CA5A: variants seen among roughly 807,000 people sequenced by gnomAD.
The protein encoded by CA5A is carbonic anhydrase 5A, mitochondrial.
CA5A carries 28 observed loss-of-function variants against 37.1 expected under a neutral mutation model. The ratio of observed to expected loss-of-function variants is 0.75; its 90% CI spans 0.56 to 1.03. The LOEUF (loss-of-function observed/expected upper bound fraction) is 1.03, where lower values mean the gene tolerates loss of function less well. Among genes scored for constraint, CA5A ranks in the 50% least tolerant of loss-of-function variants. The probability of loss-of-function intolerance (pLI) is 0.00; values close to 1 mark genes in which losing one functional copy is unlikely to be tolerated. For missense variants in CA5A, 444 were observed against 399.9 expected (o/e 1.11, Z -0.94); for synonymous variants, 171 against 158.4 (o/e 1.08, Z -0.60).
chr16:87,928,024 G>C (rs142253530), intron 1 of CA5A, among the ~76,000 whole-genome samples: 1 of 151,992 alleles, frequency 6.6e-6, no homozygotes, highest in African/African-American at 2.4e-5. Flanking sequence ...CAGGATCCTC[G>C]GGATATCCTG....
chr16:87,926,392 TC>T (rs1597584804), intron 2 of CA5A, among the ~76,000 whole-genome samples: 1 of 152,138 alleles, frequency 6.6e-6, no homozygotes, highest in East Asian at 1.9e-4. Flanking sequence ...ACCGCTGCCT[TC>T]TGAGTTCCTC....
intron 5 of CA5A, among the ~76,000 whole-genome samples, chr16:87,898,715 C>A (rs1368204098): frequency 6.7e-6 from 1 of 150,128 alleles, no homozygotes; most frequent in African/African-American, 2.5e-5. Context: ...GGTGAGAATG[C>A]TGCTCTAGTG....
intron 5 of CA5A, among the ~76,000 whole-genome samples, chr16:87,900,505 C>A (rs2055863635): frequency 6.6e-6 from 1 of 152,260 alleles, no homozygotes; most frequent in Admixed American, 6.5e-5. Context: ...GAAGCCTCAT[C>A]CGTCCGCACA....
intron 6 of CA5A, among the ~76,000 whole-genome samples, chr16:87,891,304 C>A (rs566742088): frequency 3.3e-5 from 5 of 151,496 alleles, no homozygotes; most frequent in African/African-American, 1.2e-4. Context: ...TCCGTCTCTA[C>A]TAAAAATACA....
At chr16:87,930,192 TC>T (rs2056383316) in intron 1 of CA5A, among the ~76,000 whole-genome samples, 1 of 152,170 alleles carries the variant, frequency 6.6e-6, no homozygotes, top group Non-Finnish European at 1.5e-5. Context: ...GCCCGTGCAT[TC>T]CCGTGCTCCG....
intron 2 of CA5A, among the ~76,000 whole-genome samples, chr16:87,922,081 A>G (rs4462594): frequency 0.7 from 105,661 of 151,638 alleles, 37,136 homozygotes; most frequent in African/African-American, 0.76. Context: ...TTACCCTCCC[A>G]CCTTGGCCTA....
chr16:87,922,161 G>A (rs910311406), intron 2 of CA5A, among the ~76,000 whole-genome samples: 2 of 152,118 alleles, frequency 1.3e-5, no homozygotes, highest in African/African-American at 2.4e-5. Context: ...CACTCTCCAG[G>A]GGATGTTGGT....
At chr16:87,920,300 T>G (rs1166980738) in intron 2 of CA5A, among the ~76,000 whole-genome samples, 1 of 152,010 alleles carries the variant, frequency 6.6e-6, no homozygotes, top group African/African-American at 2.4e-5. Context: ...CACTGTTTTT[T>G]GTTTGTTTGT....
intron 2 of CA5A, among the ~76,000 whole-genome samples, chr16:87,912,036 T>C (rs1004335512): frequency 6.6e-6 from 1 of 152,166 alleles, no homozygotes; most frequent in South Asian, 2.1e-4. Flanking sequence ...GCACGGTGGC[T>C]CATACCTGTA....
At chr16:87,925,001 G>C (rs546152387) in intron 2 of CA5A, among the ~76,000 whole-genome samples, 1 of 152,208 alleles carries the variant, frequency 6.6e-6, no homozygotes, top group Non-Finnish European at 1.5e-5. Flanking sequence ...CTGTTCATCC[G>C]TCAATTTGCT....
chr16:87,884,520 T>C (rs574434417), downstream of CA5A: 1 of 146,504 alleles, frequency 6.8e-6, no homozygotes, highest in Non-Finnish European at 1.5e-5. Context: ...TGAACCAAGA[T>C]CGCATCAATG....
At chr16:87,896,591 C>G (rs143104597) in intron 5 of CA5A, among the ~76,000 whole-genome samples, 9 of 152,196 alleles carry the variant, frequency 5.9e-5, no homozygotes, top group African/African-American at 1.9e-4. Context: ...GAAAGCACCA[C>G]AAGCCTTTGC....
intron 5 of CA5A, among the ~76,000 whole-genome samples, chr16:87,901,578 CTTTCT>C (rs10650335): frequency 3.3e-5 from 5 of 149,428 alleles, no homozygotes; most frequent in African/African-American, 7.5e-5. Context: ...ATACTGATTT[CTTTCT>C]TTTCTTTTCT....
intron 3 of CA5A, 23 bp downstream of exon 3, chr16:87,904,763 G>C: frequency 5.0e-6 from 7 of 1,393,314 alleles, no homozygotes; most frequent in Non-Finnish European, 7.2e-6. Flanking sequence ...GCAGATATGT[G>C]CTGTTAGGCC....
At chr16:87,909,831 G>A (rs969407611) in intron 2 of CA5A, among the ~76,000 whole-genome samples, 1 of 152,188 alleles carries the variant, frequency 6.6e-6, no homozygotes, top group Non-Finnish European at 1.5e-5. Flanking sequence ...GCCGTGTTTC[G>A]TTACTCTTCC....
intron 2 of CA5A, among the ~76,000 whole-genome samples, chr16:87,920,773 C>CA (rs1278765709): frequency 1.3e-5 from 2 of 151,962 alleles, no homozygotes; most frequent in Admixed American, 6.6e-5. Context: ...TGCTTGCCAC[C>CA]ATGCCCAGCT....
intron 6 of CA5A, among the ~76,000 whole-genome samples, chr16:87,888,863 C>G (rs1236320547): frequency 2.0e-5 from 3 of 152,250 alleles, no homozygotes; most frequent in Non-Finnish European, 4.4e-5. Context: ...AGCGATTCTC[C>G]TGCCTCGGCC....
intron 3 of CA5A, among the ~76,000 whole-genome samples, 168 bp from the exon 4 acceptor site, chr16:87,902,688 C>T (rs1360497647): frequency 1.2e-4 from 18 of 151,516 alleles, no homozygotes; most frequent in African/African-American, 3.4e-4. Context: ...GGGTGGATCA[C>T]GAGGTCAGGA....
intron 1 of CA5A, among the ~76,000 whole-genome samples, chr16:87,928,785 T>TTTTTG (rs1312489858): frequency 8.9e-6 from 1 of 112,754 alleles, no homozygotes; most frequent in African/African-American, 3.3e-5. Context: ...TTTTTTTTTT[T>TTTTTG]TGAGACGGAG....
Sources: gnomAD v4.1 joint callset for allele counts (sites outside exome capture counted in the v4.1 genomes callset) on GRCh38, gnomAD v4.1.1 for gene constraint, MANE v1.5 for transcripts, NCBI Gene and HGNC (gene_info 2026-07-23, HGNC 2026-07-21) for gene names.